AFF1: variants seen among roughly 807,000 people sequenced by gnomAD.
The protein encoded by AFF1 is ALF transcription elongation factor 1.
In AFF1, 48 loss-of-function variants were observed where a neutral mutation model predicts 121.7. The observed-to-expected ratio is 0.39, with a 90% CI of 0.31 to 0.50. The LOEUF (loss-of-function observed/expected upper bound fraction) is 0.50. Ranked by LOEUF, AFF1 falls within the 20% of genes least tolerant of loss-of-function variation. The pLI is 0.76. For missense variants in AFF1, 1,523 were observed against 1,511.7 expected (o/e 1.01, Z -0.12); for synonymous variants, 613 against 563.0 (o/e 1.09, Z -1.26).
chr4:87,037,111 TGA>T (rs1729647021), intron 2 of AFF1, among the ~76,000 whole-genome samples: 1 of 152,202 alleles, frequency 6.6e-6, no homozygotes, highest in African/African-American at 2.4e-5. Context: ...ACTGCAAAAA[TGA>T]TTAACACTCC....
chr4:86,984,570 G>A (rs11947276), intron 2 of AFF1, among the ~76,000 whole-genome samples: 6,377 of 152,060 alleles, frequency 0.042, 440 homozygotes, highest in African/African-American at 0.15. Flanking sequence ...CAGTCCGCCC[G>A]CCTCGGCCTC....
intron 8 of AFF1, among the ~76,000 whole-genome samples, chr4:87,102,299 G>A (rs1180926279): frequency 1.3e-5 from 2 of 152,172 alleles, no homozygotes; most frequent in African/African-American, 4.8e-5. Flanking sequence ...ACCAGTTAAA[G>A]TATATAAGGT....
intron 2 of AFF1, among the ~76,000 whole-genome samples, chr4:86,991,497 A>G (rs973717199): frequency 2.6e-5 from 4 of 152,098 alleles, no homozygotes; most frequent in Admixed American, 6.5e-5. Context: ...TTCTGCAACT[A>G]TATATTTGTT....
rs1316742837 is a variant in AFF1 at position 87,139,584 on chromosome 4, A to G, written c.*3883A>G. 1 of 230,180 alleles carries G rather than the reference A, an allele frequency of 4.3e-6. No individual in the cohort carries two copies. The highest frequency in any genetic ancestry group is 8.6e-6 in the Non-Finnish European group (1 of 116,074). 14.3% of individuals were successfully genotyped at this position (230,180 alleles called of 1,614,324 possible). On this transcript the variant is annotated 3_prime_UTR_variant, in exon 21 of 21. Coordinates refer to ENST00000395146, the MANE Select transcript of AFF1 (RefSeq NM_001166693.3). ...AAAGTGAGAGTTACGCATTGCAGCCATGAAGGGATGCTAGGATCAATTATG... is the reference window on the plus strand; with the variant it reads ...AAAGTGAGAGTTACGCATTGCAGCCGTGAAGGGATGCTAGGATCAATTATG...
At chr4:86,938,901 T>G (rs1720249251) in intron 1 of AFF1, among the ~76,000 whole-genome samples, 1 of 152,262 alleles carries the variant, frequency 6.6e-6, no homozygotes, top group Non-Finnish European at 1.5e-5. Flanking sequence ...GCTGATTTTC[T>G]TAAATTATCT....
intron 2 of AFF1, among the ~76,000 whole-genome samples, chr4:86,982,848 CAAAAAAAAAAAAAAAAAA>C (rs59568294): frequency 7.4e-5 from 4 of 53,804 alleles, no homozygotes; most frequent in Non-Finnish European, 1.0e-4. Context: ...ACTCTGTCTC[CAAAAAAAAAAAAAAAAAA>C]AAAAAAAAAG....
At chr4:87,022,623 T>C (rs1728098285) in intron 2 of AFF1, among the ~76,000 whole-genome samples, 1 of 143,640 alleles carries the variant, frequency 7.0e-6, no homozygotes. Context: ...TCTGTGTGTG[T>C]ATATATATGT....
In AFF1 at chr4:86,985,214, T is replaced by TATATATATATATAA. The variant is rs1277485096; in HGVS notation, c.38+36644_38+36645insTATATATATATAAA. 2.4e-3 allele frequency among the ~76,000 whole-genome samples: 249 copies of TATATATATATATAA among 104,392 alleles called. 1 individual carries two copies. The highest frequency in any genetic ancestry group is 7.7e-3 in the African/African-American group (231 of 29,896). 68.5% of individuals were successfully genotyped at this position (104,392 alleles called of 152,430 possible). On this transcript the variant is annotated intron_variant, in intron 2 of 20. Transcript: ENST00000395146. Reference sequence around the variant, plus strand: ...ATATATATATATATATATATATATATAAAATTATATTTTAGGCCGGGCAGA... The same window carrying TATATATATATATAA: ...ATATATATATATATATATATATATATATATATATATATAAAAAATTATATTTTAGGCCGGGCAGA...
intron 2 of AFF1, among the ~76,000 whole-genome samples, chr4:87,020,511 G>T (rs780455221): frequency 1.3e-5 from 2 of 152,176 alleles, no homozygotes; most frequent in Non-Finnish European, 2.9e-5. Flanking sequence ...TTCAGATGGA[G>T]TCTTGCTCTG....
chr4:87,066,587 TC>T (rs1390935425), intron 4 of AFF1, among the ~76,000 whole-genome samples: 6 of 146,600 alleles, frequency 4.1e-5, no homozygotes, highest in Non-Finnish European at 9.1e-5. Context: ...AGACCCTGTC[TC>T]AAAACAAAAA....
At chr4:86,985,704 G>A (rs765139557) in intron 2 of AFF1, among the ~76,000 whole-genome samples, 8 of 151,762 alleles carry the variant, frequency 5.3e-5, no homozygotes, top group Non-Finnish European at 1.5e-5. Flanking sequence ...AAATTAAAAT[G>A]ATACTAAATA....
intron 4 of AFF1, among the ~76,000 whole-genome samples, chr4:87,057,085 A>ATTT (rs796871541): frequency 1.3e-5 from 2 of 150,036 alleles, no homozygotes; most frequent in Non-Finnish European, 3.0e-5. Context: ...GAAGCTGTAC[A>ATTT]TTTTTTTTTT....
At chr4:86,948,058 T>C (rs922502620) in intron 1 of AFF1, among the ~76,000 whole-genome samples, 1 of 103,116 alleles carries the variant, frequency 9.7e-6, no homozygotes, top group South Asian at 2.5e-4. Flanking sequence ...TTCTTGGTTG[T>C]TTTTTTTTGT....
chr4:87,047,572 A>G lies in AFF1; in HGVS notation c.1037A>G (p.Lys346Arg). The change falls in exon 4 of 21, where the codon AAG becomes AGG. Residue 346 changes from lysine to arginine, a missense_variant. Around this residue, in one of 5 missense-constraint regions of AFF1, gnomAD observed 905 missense variants for 842.5 expected, o/e 1.07. Transcript: ENST00000395146. Reference protein sequence around the residue: ...VPAKAKLTKLKMPSQSVEQTY... With the variant: ...VPAKAKLTKLRMPSQSVEQTY... ...GCCAAAGCCAAGCTCACCAAACTGA[A>G]GATGCCTTCTCAGTCAGTTGAGGTG... 6.2e-7 allele frequency: 1 copy of G among 1,614,210 alleles called. No homozygotes were observed. The highest frequency in any genetic ancestry group is 8.5e-7 in the Non-Finnish European group (1 of 1,180,030).
intron 5 of AFF1, 75 bp downstream of exon 5, chr4:87,084,239 T>G: frequency 2.0e-6 from 3 of 1,504,672 alleles, no homozygotes; most frequent in Non-Finnish European, 2.8e-6. Context: ...ACTTTCACTT[T>G]AAAGAACAGT....
At chr4:87,062,305 C>T (rs554558033) in intron 4 of AFF1, among the ~76,000 whole-genome samples, 4 of 152,276 alleles carry the variant, frequency 2.6e-5, no homozygotes, top group Admixed American at 6.5e-5. Flanking sequence ...TATCTTGCTA[C>T]GTCCTCATGT....
rs186448918 is a variant in AFF1, at chr4:86,976,678, G to A, written c.38+28107G>A. ...GTACTATGCTTATTACCTGGGTGAC[G>A]AAATAATCTGTGCACCAAGCTCCCA... is the stretch of plus-strand genomic sequence containing the variant. On this transcript the variant is annotated intron_variant, in intron 2 of 20. Coordinates refer to ENST00000395146, the MANE Select transcript of AFF1 (RefSeq NM_001166693.3). 2.9e-4 allele frequency among the ~76,000 whole-genome samples: 44 copies of A among 152,270 alleles called. No homozygotes were observed. The East Asian group carries it at 5.4e-3, about 19-fold the overall frequency.
At chr4:86,944,566 G>A (rs1720712936) in intron 1 of AFF1, among the ~76,000 whole-genome samples, 1 of 152,072 alleles carries the variant, frequency 6.6e-6, no homozygotes, top group African/African-American at 2.4e-5. Context: ...GGATCGTCTT[G>A]ATTTCCTGAC....
chr4:87,129,900 G>C (rs780798079), intron 16 of AFF1, among the ~76,000 whole-genome samples: 2 of 151,966 alleles, frequency 1.3e-5, no homozygotes, highest in African/African-American at 4.8e-5. Flanking sequence ...AGCCCATACC[G>C]CTCTCATTGC....
Sources: gnomAD v4.1 joint callset for allele counts (sites outside exome capture counted in the v4.1 genomes callset) on GRCh38, gnomAD v4.1.1 for gene constraint, gnomAD v4.1.1 regional missense constraint, MANE v1.5 for transcripts, NCBI Gene and HGNC (gene_info 2026-07-23, HGNC 2026-07-21) for gene names.